The following PIK3R4 variants were observed in gnomAD, a reference collection of about 807,000 sequenced individuals.
The protein encoded by PIK3R4 is phosphoinositide-3-kinase regulatory subunit 4.
Under a neutral mutation model 136.5 loss-of-function variants are expected in PIK3R4, and 46 were observed. The observed-to-expected ratio is 0.34, with a 90% CI of 0.27 to 0.43. The LOEUF is 0.43. Ranked by LOEUF, PIK3R4 falls within the 20% of genes least tolerant of loss-of-function variation. PIK3R4 has a pLI of 1.00. For synonymous variants in PIK3R4, 557 were observed against 566.7 expected, an observed-to-expected ratio of 0.98 and a Z score of 0.24; for missense variants, 1,331 against 1,649.5, an observed-to-expected ratio of 0.81 and a Z score of 3.35.
rs771940542 is a variant in PIK3R4, at chr3:130,703,835, C to T, written c.2986G>A (p.Val996Met). The change falls in exon 13 of 20, where the codon GTG becomes ATG. Residue 996 changes from valine (V) to methionine (M), a missense_variant. By Grantham distance (21) the Val-to-Met change is conservative (BLOSUM62 1). This residue lies in a region of PIK3R4 where 1,180 missense variants were observed against 1,407.0 expected (regional missense o/e 0.84). Transcript: ENST00000356763. ...TCATCAGAGACTCTAATTCGATTCA[C>T]AGCAGATTTATGCTCATGAAGATGG... ...VAHLHEHKSA[V>M]NRIRVSDEHS... 8.1e-6 allele frequency: 13 copies of T among 1,612,974 alleles called. No individual in the cohort carries two copies. Among genetic ancestry groups the T allele is most frequent in the Non-Finnish European group, 1.1e-5 (13 of 1,178,988 alleles).
At chr3:130,695,071 C>T (rs2066538578) in intron 13 of PIK3R4, among the ~76,000 whole-genome samples, 1 of 152,114 alleles carries the variant, frequency 6.6e-6, no homozygotes, top group South Asian at 2.1e-4. Context: ...TAATATGGTA[C>T]ATTCATTAAT....
chr3:130,703,675 T>G, intron 13 of PIK3R4, 48 bp downstream of exon 13: 5 of 1,388,778 alleles, frequency 3.6e-6, no homozygotes, highest in Non-Finnish European at 5.1e-6. Context: ...TCAATAAACA[T>G]TTGTTGATTT....
At chr3:130,697,841 G>A (rs80047684) in intron 13 of PIK3R4, among the ~76,000 whole-genome samples, 31,388 of 152,062 alleles carry the variant, frequency 0.21, 3,497 homozygotes, top group South Asian at 0.36. Context: ...TCTTTATATG[G>A]ATTGAAGTTA....
At chr3:130,687,513 A>ATT (rs1410644930) in intron 14 of PIK3R4, among the ~76,000 whole-genome samples, 1 of 152,118 alleles carries the variant, frequency 6.6e-6, no homozygotes, top group African/African-American at 2.4e-5. Context: ...TGGCCCACTA[A>ATT]TTTTAACATC....
intron 2 of PIK3R4, among the ~76,000 whole-genome samples, chr3:130,736,466 G>A (rs1223917458): frequency 6.6e-6 from 1 of 152,110 alleles, no homozygotes; most frequent in Non-Finnish European, 1.5e-5. Flanking sequence ...CTACTTGGGA[G>A]GCTGAGGCAC....
rs895911878 is a variant in PIK3R4 at position 130,741,987 on chromosome 3, C to A, written c.733+2499G>T. Among the ~76,000 whole-genome samples the A allele has an allele frequency of 5.3e-5, 8 of 152,174 alleles. No individual in the cohort carries two copies. In the South Asian group the frequency reaches 1.2e-3, roughly 24 times the overall value. On this transcript the variant is annotated intron_variant, in intron 2 of 19. Coordinates refer to ENST00000356763, the MANE Select transcript of PIK3R4 (RefSeq NM_014602.3). Reference sequence around the variant, plus strand: ...CGTACAACAAAACCATTTATTTTCTCACCATTTCATTATAATGAAAACGAC... The same window carrying A: ...CGTACAACAAAACCATTTATTTTCTAACCATTTCATTATAATGAAAACGAC...
intron 1 of PIK3R4, among the ~76,000 whole-genome samples, chr3:130,746,028 A>AAG (rs1383970762): frequency 6.0e-5 from 9 of 150,606 alleles, no homozygotes; most frequent in South Asian, 2.1e-4. Context: ...CGTCTCAAAA[A>AAG]ATAAAAAAAA....
In PIK3R4 at chr3:130,705,626, T is replaced by C. The variant is rs779009961; in HGVS notation, c.2867A>G (p.Asn956Ser). Residue 956 changes from asparagine (N) to serine (S), a missense_variant, in exon 12 of 20, where the codon AAT (asparagine) becomes AGT (serine). Physicochemically the swap from Asn to Ser is conservative, Grantham distance 46 (BLOSUM62 1). Coordinates refer to ENST00000356763, the MANE Select transcript of PIK3R4 (RefSeq NM_014602.3). ...QLIQQKREQCNAERIAKQMME... is the reference protein window; with the variant it reads ...QLIQQKREQCSAERIAKQMME... ...CATCTGCTTAGCTATTCTCTCAGCA[T>C]TGCACTGCTCCCGCTTTTGCTGGAT... The C allele has an allele frequency of 3.2e-5, 52 of 1,613,770 alleles. No individual in the cohort carries two copies. In the South Asian group the frequency reaches 4.9e-4, roughly 15 times the overall value.
intron 6 of PIK3R4, chr3:130,726,071 TCTATC>T (rs1366225529): frequency 1.3e-5 from 2 of 152,040 alleles, no homozygotes; most frequent in East Asian, 1.9e-4. Context: ...TTTTTTTACT[TCTATC>T]CTAAGAAAAT....
chr3:130,689,356 A>T (rs186029653), intron 14 of PIK3R4, among the ~76,000 whole-genome samples: 2 of 152,160 alleles, frequency 1.3e-5, no homozygotes, highest in Non-Finnish European at 2.9e-5. Flanking sequence ...CCAAGTTATT[A>T]AATAATTTAC....
intron 15 of PIK3R4, among the ~76,000 whole-genome samples, chr3:130,685,963 G>A (rs2066487430): frequency 1.3e-5 from 2 of 151,992 alleles, no homozygotes; most frequent in Non-Finnish European, 2.9e-5. Context: ...ATAAAGTAAG[G>A]AGGCTCATTT....
At chr3:130,711,832 G>T (rs749626951) in intron 9 of PIK3R4, among the ~76,000 whole-genome samples, 1 of 152,050 alleles carries the variant, frequency 6.6e-6, no homozygotes, top group African/African-American at 2.4e-5. Flanking sequence ...CTCCCTGGCC[G>T]GAGGGCAGGG....
At chr3:130,696,342 G>A (rs528551845) in intron 13 of PIK3R4, among the ~76,000 whole-genome samples, 2 of 151,046 alleles carry the variant, frequency 1.3e-5, no homozygotes, top group African/African-American at 4.9e-5. Flanking sequence ...GTTTCTTAAG[G>A]TTAGGGTTAA....
At chr3:130,701,923 G>C (rs1389914748) in intron 13 of PIK3R4, among the ~76,000 whole-genome samples, 5 of 151,944 alleles carry the variant, frequency 3.3e-5, no homozygotes, top group Non-Finnish European at 7.4e-5. Flanking sequence ...CTTGAAGTCA[G>C]GAGTTCAAGA....
intron 2 of PIK3R4, among the ~76,000 whole-genome samples, chr3:130,743,228 C>A (rs889784253): frequency 6.6e-6 from 1 of 150,950 alleles, no homozygotes; most frequent in Non-Finnish European, 1.5e-5. Context: ...CTGGGCAACA[C>A]AGTAAAATAG....
intron 12 of PIK3R4, among the ~76,000 whole-genome samples, chr3:130,704,935 A>T (rs147598399): frequency 6.6e-6 from 1 of 152,096 alleles, no homozygotes; most frequent in Non-Finnish European, 1.5e-5. Context: ...GGTTCAAGCA[A>T]TTCTCTTGCC....
rs2107620950 is a variant in PIK3R4, at chr3:130,736,882, A to G, written c.734-880T>C. On this transcript the variant is annotated intron_variant, in intron 2 of 19. Transcript: ENST00000356763. Reference sequence around the variant, plus strand: ...GAACAAACATAATATGTGAAATGCTAAAAAGTGTAGCTGTAAGATTAGGGA... The same window carrying G: ...GAACAAACATAATATGTGAAATGCTGAAAAGTGTAGCTGTAAGATTAGGGA... 1.3e-5 allele frequency among the ~76,000 whole-genome samples: 2 copies of G among 152,346 alleles called. 1 individual carries two copies. Among genetic ancestry groups the G allele is most frequent in the South Asian group, 4.1e-4 (2 of 4,826 alleles).
intron 2 of PIK3R4, among the ~76,000 whole-genome samples, chr3:130,738,413 A>G (rs1299447465): frequency 6.6e-6 from 1 of 152,210 alleles, no homozygotes; most frequent in Non-Finnish European, 1.5e-5. Flanking sequence ...TGAGGCGAAA[A>G]AAACAGTAGG....
At position 130,696,342 on chromosome 3, in the gene PIK3R4, G is replaced by T. The variant is rs528551845; in HGVS notation, c.3099-5688C>A. Among the ~76,000 whole-genome samples, 8 of 151,162 alleles carry T rather than the reference G, an allele frequency of 5.3e-5. No homozygotes were observed. In the South Asian group the frequency reaches 1.7e-3, roughly 32 times the overall value. ...TTTGCTCTTCTTCTAGTTTCTTAAG[G>T]TTAGGGTTAAATTACTAATTTGGGA... is the stretch of plus-strand genomic sequence containing the variant. On this transcript the variant is annotated intron_variant, in intron 13 of 19. Transcript: ENST00000356763.
Sources: gnomAD v4.1 joint callset for allele counts (sites outside exome capture counted in the v4.1 genomes callset) on GRCh38, gnomAD v4.1.1 for gene constraint, gnomAD v4.1.1 regional missense constraint, MANE v1.5 for transcripts, NCBI Gene and HGNC (gene_info 2026-07-23, HGNC 2026-07-21) for gene names.